The following EFCAB14 variants were observed in gnomAD, a reference collection of about 807,000 sequenced individuals.
EFCAB14 encodes EF-hand calcium binding domain 14, also known as EF-hand calcium-binding domain-containing protein 14.
A neutral mutation model predicts 56.5 loss-of-function variants in EFCAB14; 43 were observed. That is an observed-to-expected ratio of 0.76 (90% confidence interval 0.60 to 0.98). The LOEUF is 0.98. Among genes scored for constraint, EFCAB14 ranks in the 50% least tolerant of loss-of-function variants. The pLI is 0.00. For synonymous variants in EFCAB14, 235 were observed against 212.9 expected (o/e 1.10, Z -0.90); for missense variants, 538 against 580.3 (o/e 0.93, Z 0.75).
At chr1:46,688,607 G>A (rs1676928318) in intron 6 of EFCAB14, 63 bp from the exon 7 acceptor site, 3 of 1,400,280 alleles carry the variant, frequency 2.1e-6, no homozygotes, top group South Asian at 2.5e-5. Context: ...AAGCAGGCCA[G>A]CAGCACCGAA....
At position 46,709,658 on chromosome 1, in the gene EFCAB14, A is replaced by C. The variant is rs1344518977; in HGVS notation, c.335-1607T>G. 2.0e-5 allele frequency among the ~76,000 whole-genome samples: 3 copies of C among 152,150 alleles called. 1 individual carries two copies. The highest frequency in any genetic ancestry group is 7.2e-5 in the African/African-American group (3 of 41,428). ...AATTGCAGGGTATGAAATGGAGTTA[A>C]TGTTATACTATTAAGTTAAACAAAA... On this transcript the variant is annotated intron_variant, in intron 2 of 10. Coordinates refer to ENST00000371933, the MANE Select transcript of EFCAB14 (RefSeq NM_014774.3).
intron 10 of EFCAB14, among the ~76,000 whole-genome samples, chr1:46,679,417 C>T (rs1211625066): frequency 3.3e-5 from 5 of 152,062 alleles, no homozygotes; most frequent in East Asian, 3.9e-4. Flanking sequence ...TCTTGTGCTT[C>T]AGCCTCCTGC....
chr1:46,694,519 C>A (rs992864150), intron 4 of EFCAB14, among the ~76,000 whole-genome samples: 15 of 152,170 alleles, frequency 9.9e-5, no homozygotes, highest in African/African-American at 3.6e-4. Context: ...CAAATCAAAA[C>A]CACAATGAGA....
Position 46,716,416 on chromosome 1 carries a change from G to T in EFCAB14, c.213C>A (p.Ile71=). The change falls in exon 2 of 11, where the codon ATC becomes ATA. Residue 71 remains isoleucine (I), a synonymous_variant. Coordinates refer to ENST00000371933, the MANE Select transcript of EFCAB14 (RefSeq NM_014774.3). The stretch of plus-strand genomic sequence containing the variant: ...TGACAAAACCACAGAGCGGATAACA[G>T]ATCTTGCAGCATCGTAAATAGTCTC... ...AKGDYLRCCK[I]CYPLCGFVIL... 1 of 1,614,134 alleles carries T rather than the reference G, an allele frequency of 6.2e-7. No homozygotes were observed. The highest frequency in any genetic ancestry group is 8.5e-7 in the Non-Finnish European group (1 of 1,180,028).
intron 8 of EFCAB14, chr1:46,685,072 C>T (rs887556867): frequency 1.3e-5 from 2 of 152,800 alleles, no homozygotes; most frequent in African/African-American, 4.8e-5. Context: ...AGCAACTGAA[C>T]AAAAACAAAC....
chr1:46,709,970 C>G (rs555655245), intron 2 of EFCAB14, among the ~76,000 whole-genome samples: 1 of 152,044 alleles, frequency 6.6e-6, no homozygotes, highest in Non-Finnish European at 1.5e-5. Flanking sequence ...CCTGTGCGGC[C>G]GGAGCGAGAC....
chr1:46,688,272 G>T, intron 7 of EFCAB14, 81 bp downstream of exon 7: 1 of 1,349,368 alleles, frequency 7.4e-7, no homozygotes, highest in Non-Finnish European at 1.0e-6. Context: ...ATGCCAGAAG[G>T]CTGTTCTCAA....
rs1012190293 is a variant in EFCAB14, at chr1:46,718,765, C to A, written c.-678G>T. 2.0e-5 allele frequency: 3 copies of A among 152,376 alleles called. No homozygotes were observed. The highest frequency in any genetic ancestry group is 2.9e-5 in the Non-Finnish European group (2 of 68,188). 9.4% of individuals were successfully genotyped at this position (152,376 alleles called of 1,614,324 possible). A position where few individuals can be genotyped will look rare whatever the true frequency, so the allele number is the denominator to read the frequency against. On this transcript the variant is annotated 5_prime_UTR_variant, in exon 1 of 11. Coordinates refer to ENST00000371933, the MANE Select transcript of EFCAB14 (RefSeq NM_014774.3). ...GCCTCCGTCCTGAACGTGAAGGGGG[C>A]CCGAGGCCGAGGAAGATCCGGAGCC... is the stretch of plus-strand genomic sequence containing the variant.
chr1:46,684,310 A>AT (rs761283587), intron 9 of EFCAB14, 181 bp downstream of exon 9: 15 of 580,674 alleles, frequency 2.6e-5, no homozygotes, highest in Non-Finnish European at 4.3e-5. Flanking sequence ...ACTAGAGTAC[A>AT]AATCATGTAC....
intron 2 of EFCAB14, among the ~76,000 whole-genome samples, chr1:46,711,668 T>C (rs1677309976): frequency 6.6e-6 from 1 of 152,202 alleles, no homozygotes. Flanking sequence ...ACTTAAAATT[T>C]TGTATGTTAA....
rs114225131 is a variant in EFCAB14, at chr1:46,714,917, T to C, written c.334+1378A>G. Among the ~76,000 whole-genome samples the C allele has an allele frequency of 4.2e-3, 644 of 152,292 alleles. 1 individual carries two copies. The highest frequency in any genetic ancestry group is 0.014 in the African/African-American group (592 of 41,546). ...TGTGACTTCAAAACCTCCTTAAACTTTAAAACTCACTCATGAGATAAACAT... is the reference window on the plus strand; with the variant it reads ...TGTGACTTCAAAACCTCCTTAAACTCTAAAACTCACTCATGAGATAAACAT... On this transcript the variant is annotated intron_variant, in intron 2 of 10. Transcript: ENST00000371933.
rs1677439355 is a variant in EFCAB14, at chr1:46,718,782, T to C, written c.-695A>G. The C allele has an allele frequency of 6.6e-6, 1 of 152,296 alleles. No homozygotes were observed. The highest frequency in any genetic ancestry group is 1.5e-5 in the Non-Finnish European group (1 of 68,126). 9.4% of individuals were successfully genotyped at this position (152,296 alleles called of 1,614,324 possible). ...GAAGGGGGCCCGAGGCCGAGGAAGA[T>C]CCGGAGCCCGGCTAGAAGGGTCGGC... On this transcript the variant is annotated 5_prime_UTR_variant, in exon 1 of 11. Coordinates refer to ENST00000371933, the MANE Select transcript of EFCAB14 (RefSeq NM_014774.3).
At chr1:46,714,999 T>A (rs555881104) in intron 2 of EFCAB14, among the ~76,000 whole-genome samples, 1 of 152,268 alleles carries the variant, frequency 6.6e-6, no homozygotes, top group South Asian at 2.1e-4. Context: ...CCTTCACGAG[T>A]ATGTAACTTA....
At chr1:46,706,774 C>A (rs559976124) in intron 3 of EFCAB14, among the ~76,000 whole-genome samples, 1 of 152,286 alleles carries the variant, frequency 6.6e-6, no homozygotes, top group East Asian at 1.9e-4. Context: ...GGCTGTAACT[C>A]ATGAATTATT....
intron 9 of EFCAB14, 129 bp from the exon 10 acceptor site, chr1:46,683,554 G>A: frequency 1.0e-6 from 1 of 985,986 alleles, no homozygotes; most frequent in Non-Finnish European, 1.5e-6. Context: ...AGATAAAGTA[G>A]CATAGTGACT....
At chr1:46,713,952 T>C (rs1349533372) in intron 2 of EFCAB14, among the ~76,000 whole-genome samples, 2 of 152,136 alleles carry the variant, frequency 1.3e-5, no homozygotes, top group South Asian at 4.1e-4. Context: ...GGGGTATATA[T>C]CTCATTGTTT....
Position 46,712,322 on chromosome 1 carries a change from T to G in EFCAB14, c.334+3973A>C, listed in dbSNP as rs189445670. Reference sequence around the variant, plus strand: ...CCAAATTTCTTTTCATTTACTCAAGTCTTTCATAGTGGAGTGACAGAAAAG... The same window carrying G: ...CCAAATTTCTTTTCATTTACTCAAGGCTTTCATAGTGGAGTGACAGAAAAG... On this transcript the variant is annotated intron_variant, in intron 2 of 10. Transcript: ENST00000371933. Among the ~76,000 whole-genome samples the G allele has an allele frequency of 2.9e-3, 437 of 152,324 alleles. 1 individual carries two copies. The highest frequency in any genetic ancestry group is 0.01 in the Admixed American group (154 of 15,302).
chr1:46,696,500 C>G (rs1677079129), intron 4 of EFCAB14, 51 bp downstream of exon 4: 1 of 1,530,458 alleles, frequency 6.5e-7, no homozygotes, highest in Non-Finnish European at 9.0e-7. Context: ...AAATAGTACC[C>G]ACACATGGCA....
At chr1:46,708,165 A>C in intron 2 of EFCAB14, 114 bp from the exon 3 acceptor site, 1 of 1,024,794 alleles carries the variant, frequency 9.8e-7, no homozygotes, top group South Asian at 2.1e-5. Context: ...GTTAATTCTG[A>C]CATTGTTCTT....
Sources: allele counts gnomAD v4.1 joint callset (sites outside exome capture counted in the v4.1 genomes callset), GRCh38; gene constraint gnomAD v4.1.1; transcripts MANE v1.5; gene names NCBI Gene and HGNC (gene_info 2026-07-23, HGNC 2026-07-21).